MAPK10: variants seen among roughly 807,000 people sequenced by gnomAD.
MAPK10 encodes the protein JNK3 alpha protein kinase.
In MAPK10, 25 loss-of-function variants were observed where a neutral mutation model predicts 59.3. That is an observed-to-expected ratio of 0.42 (90% CI 0.31 to 0.59). The LOEUF (loss-of-function observed/expected upper bound fraction) is 0.59, where lower values mean the gene tolerates loss of function less well. Among genes scored for constraint, MAPK10 ranks in the 20% least tolerant of loss-of-function variants. MAPK10 has a pLI of 0.15. For synonymous variants in MAPK10, 190 were observed against 200.5 expected, an observed-to-expected ratio of 0.95 and a Z score of 0.44; for missense variants, 351 against 568.9, an observed-to-expected ratio of 0.62 and a Z score of 3.90.
At chr4:86,160,017 T>C (rs1180568636) in intron 3 of MAPK10, among the ~76,000 whole-genome samples, 1 of 152,052 alleles carries the variant, frequency 6.6e-6, no homozygotes, top group East Asian at 1.9e-4. Flanking sequence ...CTCATTAATA[T>C]CACAAATGCT....
intron 1 of MAPK10, among the ~76,000 whole-genome samples, chr4:86,530,179 T>A (rs2149090994): frequency 6.6e-6 from 1 of 151,838 alleles, no homozygotes; most frequent in Non-Finnish European, 1.5e-5. Context: ...ATACAAGCAG[T>A]CTGACATTTA....
intron 11 of MAPK10, among the ~76,000 whole-genome samples, chr4:86,060,811 A>G (rs2045614056): frequency 6.6e-6 from 1 of 152,192 alleles, no homozygotes; most frequent in African/African-American, 2.4e-5. Context: ...AATGAAAAAA[A>G]TGGACCTAAA....
intron 11 of MAPK10, among the ~76,000 whole-genome samples, chr4:86,041,434 T>C (rs1560881712): frequency 6.6e-6 from 1 of 152,166 alleles, no homozygotes; most frequent in African/African-American, 2.4e-5. Context: ...AAAGACCTCA[T>C]TACTAAAACA....
chr4:86,366,653 T>C (rs1180260686), intron 1 of MAPK10, among the ~76,000 whole-genome samples: 2 of 152,252 alleles, frequency 1.3e-5, no homozygotes, highest in Non-Finnish European at 2.9e-5. Flanking sequence ...GAATTCAGAC[T>C]CTTAAAAAAC....
intron 2 of MAPK10, among the ~76,000 whole-genome samples, chr4:86,323,241 G>A (rs1263102320): frequency 6.6e-6 from 1 of 152,196 alleles, no homozygotes; most frequent in African/African-American, 2.4e-5. Context: ...TGCTGGTAAT[G>A]AAAGGTAAGC....
intron 2 of MAPK10, among the ~76,000 whole-genome samples, chr4:86,315,982 A>C (rs1157768273): frequency 1.3e-5 from 2 of 152,202 alleles, no homozygotes; most frequent in Non-Finnish European, 2.9e-5. Context: ...CTTCTGTGCA[A>C]GTAAATCTCT....
At chr4:86,054,083 A>G (rs2044074671) in intron 11 of MAPK10, among the ~76,000 whole-genome samples, 1 of 152,238 alleles carries the variant, frequency 6.6e-6, no homozygotes, top group Non-Finnish European at 1.5e-5. Context: ...CTACTAGACA[A>G]CAAAACATGT....
chr4:86,021,517 C>G (rs1746848636), intron 13 of MAPK10, among the ~76,000 whole-genome samples: 1 of 152,276 alleles, frequency 6.6e-6, no homozygotes, highest in African/African-American at 2.4e-5. Flanking sequence ...CACGTCCTCA[C>G]CAGACTCAGG....
intron 1 of MAPK10, among the ~76,000 whole-genome samples, chr4:86,386,408 C>G (rs190146626): frequency 4.6e-5 from 7 of 152,250 alleles, no homozygotes; most frequent in Admixed American, 4.6e-4. Flanking sequence ...AGCCTAAATC[C>G]CTGTGGAGAA....
intron 1 of MAPK10, among the ~76,000 whole-genome samples, chr4:86,485,261 C>G (rs937771723): frequency 1.3e-5 from 2 of 152,180 alleles, no homozygotes; most frequent in African/African-American, 4.8e-5. Context: ...CAGTTCCCTC[C>G]TCTTACACTT....
chr4:86,340,539 C>T (rs920018564), intron 2 of MAPK10: 1 of 152,092 alleles, frequency 6.6e-6, no homozygotes, highest in Non-Finnish European at 1.5e-5. Context: ...GAAATCCACC[C>T]CCATGATCTA....
At chr4:86,366,879 C>T (rs1361907585) in intron 1 of MAPK10, among the ~76,000 whole-genome samples, 1 of 152,096 alleles carries the variant, frequency 6.6e-6, no homozygotes, top group Non-Finnish European at 1.5e-5. Context: ...AATTGGTCTC[C>T]ATTTGCCAGG....
At position 86,246,159 on chromosome 4, in the gene MAPK10, C is replaced by T. The variant is rs548993032; in HGVS notation, c.-6-51752G>A. Among the ~76,000 whole-genome samples the T allele has an allele frequency of 6.6e-5, 10 of 152,270 alleles. No individual in the cohort carries two copies. In the South Asian group the frequency reaches 1.5e-3, roughly 22 times the overall value. ...AAAAGTCAAGTTGTTGGGCCAGGCGCGGTGGCTCACGCCTGTAATCCCAGC... is the reference window on the plus strand; with the variant it reads ...AAAAGTCAAGTTGTTGGGCCAGGCGTGGTGGCTCACGCCTGTAATCCCAGC... On this transcript the variant is annotated intron_variant, in intron 2 of 13. Transcript: ENST00000641462.
intron 3 of MAPK10, chr4:86,191,871 G>C (rs1173984306): frequency 6.6e-6 from 1 of 151,944 alleles, no homozygotes; most frequent in African/African-American, 2.4e-5. Context: ...AGTGTCGATG[G>C]TCTTTACAAT....
chr4:86,414,463 G>A (rs1745606804), intron 1 of MAPK10, among the ~76,000 whole-genome samples: 3 of 152,202 alleles, frequency 2.0e-5, no homozygotes, highest in Admixed American at 2.0e-4. Flanking sequence ...TCAAAAGTGT[G>A]TGATAGCTAG....
At chr4:86,414,100 G>C (rs541426522) in intron 1 of MAPK10, among the ~76,000 whole-genome samples, 3 of 151,970 alleles carry the variant, frequency 2.0e-5, no homozygotes, top group Non-Finnish European at 4.4e-5. Flanking sequence ...CTTTTGTTTT[G>C]GTTCAGGTCC....
At chr4:86,204,127 G>A (rs928675764) in intron 2 of MAPK10, among the ~76,000 whole-genome samples, 2 of 151,940 alleles carry the variant, frequency 1.3e-5, no homozygotes, top group African/African-American at 4.8e-5. Context: ...TAAAGCCTAA[G>A]ATACTTATTA....
rs374654705 is a variant in MAPK10, at chr4:86,098,627, A to G, written c.731-32T>C. 7.2e-4 allele frequency: 1,068 copies of G among 1,492,738 alleles called. 2 individuals are homozygous for G. The highest frequency in any genetic ancestry group is 9.3e-4 in the Non-Finnish European group (996 of 1,070,856). The allele number at this position is 1,492,738 out of a possible 1,614,324, so 92.5% of individuals were successfully genotyped here. On this transcript the variant is annotated intron_variant, in intron 8 of 13. Coordinates refer to ENST00000641462, the MANE Select transcript of MAPK10 (RefSeq NM_138982.4). The stretch of plus-strand genomic sequence containing the variant: ...CAGGAGAGAGAGGGTAGTGAAGAAA[A>G]GGGAGGAAAGTAAAGTTAACTAAGA...
intron 3 of MAPK10, among the ~76,000 whole-genome samples, chr4:86,176,989 G>C (rs2075841786): frequency 6.6e-6 from 1 of 151,982 alleles, no homozygotes; most frequent in African/African-American, 2.4e-5. Context: ...GAAAGAGTCA[G>C]GTTTCCTTAA....
Sources: allele counts gnomAD v4.1 joint callset (sites outside exome capture counted in the v4.1 genomes callset), GRCh38; gene constraint gnomAD v4.1.1; transcripts MANE v1.5; gene names NCBI Gene and HGNC (gene_info 2026-07-23, HGNC 2026-07-21).